NTRK1: variants seen among roughly 807,000 people sequenced by gnomAD.
The protein encoded by NTRK1 is high affinity nerve growth factor receptor.
NTRK1 carries 62 observed loss-of-function variants against 86.8 expected under a neutral mutation model. That is an observed-to-expected ratio of 0.71 (90% CI 0.58 to 0.88). The LOEUF (loss-of-function observed/expected upper bound fraction) is 0.88, where lower values mean the gene tolerates loss of function less well. Ranked by LOEUF, NTRK1 falls within the 40% of genes least tolerant of loss-of-function variation. The pLI, the probability that NTRK1 is intolerant of heterozygous loss-of-function variation, is 0.00. For missense variants in NTRK1, 967 were observed against 1,078.4 expected (o/e 0.90, Z 1.45); for synonymous variants, 469 against 456.6 (o/e 1.03, Z -0.35).
chr1:156,832,586 G>A (rs1356879983), intron 1 of NTRK1, among the ~76,000 whole-genome samples: 4 of 152,256 alleles, frequency 2.6e-5, no homozygotes, highest in African/African-American at 9.6e-5. Flanking sequence ...GGAGCAAAGT[G>A]AATGAGGGCA....
intron 2 of NTRK1, chr1:156,853,894 G>C: frequency 6.2e-7 from 1 of 1,614,160 alleles, no homozygotes; most frequent in Admixed American, 1.7e-5. Context: ...CCACGATGTG[G>C]TTGGCGCCAG....
intron 1 of NTRK1, among the ~76,000 whole-genome samples, chr1:156,838,568 C>T (rs1654659116): frequency 1.3e-5 from 2 of 152,246 alleles, no homozygotes; most frequent in South Asian, 4.1e-4. Flanking sequence ...CAAAGCTTCC[C>T]TGTAGCATTG....
At chr1:156,867,020 G>T (rs754877578) in intron 4 of NTRK1, 42 bp downstream of exon 4, 2 of 1,589,338 alleles carry the variant, frequency 1.3e-6, no homozygotes, top group South Asian at 2.2e-5. Flanking sequence ...CCAAGTGTGT[G>T]TGTGCCTGTG....
intron 1 of NTRK1, chr1:156,816,711 G>C: frequency 1.3e-6 from 2 of 1,598,120 alleles, no homozygotes; most frequent in Non-Finnish European, 1.7e-6. Context: ...AACTCCATGA[G>C]GGCAGCCTCA....
rs73004712 is a variant in NTRK1 at position 156,821,015 on chromosome 1, G to A, written c.-64+5177G>A. On this transcript the variant is annotated intron_variant, in intron 1 of 16. Coordinates refer to the NTRK1 transcript ENST00000392302. ...TAGAGTTTTCTTTGTAGAGTTCCTT[G>A]TAGTTTTCCTGGTAGAGATCTTTAA... is the stretch of plus-strand genomic sequence containing the variant. Among the ~76,000 whole-genome samples the A allele has an allele frequency of 7.4e-3, 1,131 of 152,234 alleles. 11 individuals are homozygous for A. Among genetic ancestry groups the A allele is most frequent in the African/African-American group, 0.025 (1,056 of 41,540 alleles).
intron 16 of NTRK1, chr1:156,880,495 G>C (rs1648193362): frequency 3.0e-6 from 1 of 335,650 alleles, no homozygotes; most frequent in Non-Finnish European, 5.6e-6. Context: ...ACGGGAAGAG[G>C]AACCCAGCAC....
chr1:156,876,440 A>G lies in NTRK1; in HGVS notation c.1673A>G (p.Gln558Arg), dbSNP rs1367129540. 5 of 1,613,756 alleles carry G rather than the reference A, an allele frequency of 3.1e-6. No individual in the cohort carries two copies. In the South Asian group the frequency reaches 4.4e-5, roughly 14 times the overall value. The change falls in exon 14 of 17, where the codon CAG (glutamine) becomes CGG (arginine). Residue 558 changes from glutamine to arginine, a missense_variant. Around this residue, in one of 2 missense-constraint regions of NTRK1, gnomAD observed 637 missense variants for 776.5 expected, o/e 0.82. Coordinates refer to ENST00000524377, the MANE Select transcript of NTRK1 (RefSeq NM_002529.4). ...TCCGAGAGTGCTCGGCAGGACTTCCAGCGTGAGGCTGAGCTGCTCACCATG... is the reference window on the plus strand; with the variant it reads ...TCCGAGAGTGCTCGGCAGGACTTCCGGCGTGAGGCTGAGCTGCTCACCATG... ...EASESARQDF[Q>R]REAELLTMLQ...
intron 1 of NTRK1, among the ~76,000 whole-genome samples, chr1:156,820,118 A>G (rs1414321772): frequency 6.6e-6 from 1 of 152,162 alleles, no homozygotes; most frequent in African/African-American, 2.4e-5. Flanking sequence ...CCTGAGATTT[A>G]AGTCTTTAAT....
At chr1:156,868,386 G>GA in intron 5 of NTRK1, 119 bp from the exon 6 acceptor site, 1 of 1,533,978 alleles carries the variant, frequency 6.5e-7, no homozygotes, top group Non-Finnish European at 8.8e-7. Context: ...TGCCTGGGGT[G>GA]ACATCGCCTG....
At chr1:156,865,336 A>G (rs1446441111) in intron 3 of NTRK1, among the ~76,000 whole-genome samples, 2 of 152,140 alleles carry the variant, frequency 1.3e-5, no homozygotes, top group African/African-American at 4.8e-5. Flanking sequence ...GGAGGAGAGG[A>G]TGATTTCAGG....
intron 9 of NTRK1, 67 bp from the exon 10 acceptor site, chr1:156,874,504 G>C (rs907785685): frequency 6.2e-7 from 1 of 1,612,558 alleles, no homozygotes. Flanking sequence ...CTGGGGCCAG[G>C]GTTGGGGGGT....
chr1:156,829,230 C>G (rs1215103158), intron 1 of NTRK1, among the ~76,000 whole-genome samples: 1 of 152,078 alleles, frequency 6.6e-6, no homozygotes. Context: ...CATGAGGTGA[C>G]AGGTGAGAAG....
chr1:156,861,814 C>A (rs543889536), intron 1 of NTRK1, among the ~76,000 whole-genome samples: 1 of 152,150 alleles, frequency 6.6e-6, no homozygotes, highest in Non-Finnish European at 1.5e-5. Flanking sequence ...GGAGTCAGGG[C>A]CCTTGCTGAG....
At position 156,875,959 on chromosome 1, in the gene NTRK1, C is replaced by T. The variant is rs1647876680; in HGVS notation, c.1502-121C>T. ...GAAGGGGTGCAGGTTGAATTTTAGC[C>T]CCCATGCAGTCCCTCGTCTGGGCAG... On this transcript the variant is annotated intron_variant, in intron 12 of 16. Transcript: ENST00000524377. 3.4e-6 allele frequency: 5 copies of T among 1,469,904 alleles called. No individual in the cohort carries two copies. The East Asian group carries it at 9.1e-5, about 27-fold the overall frequency. 91.1% of individuals were successfully genotyped at this position (1,469,904 alleles called of 1,614,324 possible).
chr1:156,830,042 C>T (rs530097698), intron 1 of NTRK1, among the ~76,000 whole-genome samples: 20 of 152,346 alleles, frequency 1.3e-4, no homozygotes, highest in African/African-American at 4.6e-4. Flanking sequence ...CATTCTCTCC[C>T]AAGCCCGCTG....
rs916776833 is a variant in NTRK1 at position 156,843,337 on chromosome 1, T to C, written c.50+1144T>C. The C allele has an allele frequency of 1.9e-6, 3 of 1,569,810 alleles. No homozygotes were observed. The African/African-American group carries it at 4.1e-5, about 21-fold the overall frequency. On this transcript the variant is annotated intron_variant, in intron 2 of 16. Coordinates refer to the NTRK1 transcript ENST00000392302. ...CTGAAGGGCTCTTGTCCCAAGGCTA[T>C]CTTCTGCAAGAAGGTCTTCTGGAAG...
chr1:156,881,673 C>T lies in NTRK1; in HGVS notation c.*31C>T, dbSNP rs876359. On this transcript the variant is annotated 3_prime_UTR_variant, in exon 17 of 17. Coordinates refer to ENST00000524377, the MANE Select transcript of NTRK1 (RefSeq NM_002529.4). ...CGGCCCAGGGGCTGGGAGTGGTTAGCCGGAATACTGGGGCCTGCCCTCAGC... is the reference window on the plus strand; with the variant it reads ...CGGCCCAGGGGCTGGGAGTGGTTAGTCGGAATACTGGGGCCTGCCCTCAGC... 72 of 1,579,896 alleles carry T rather than the reference C, an allele frequency of 4.6e-5. No individual in the cohort carries two copies. The East Asian group carries it at 8.5e-4, about 19-fold the overall frequency.
At chr1:156,821,453 C>CTGTGTGTGTG (rs59579534) in intron 1 of NTRK1, among the ~76,000 whole-genome samples, 42 of 138,012 alleles carry the variant, frequency 3.0e-4, no homozygotes, top group African/African-American at 1.0e-3. Context: ...CTAATTTAGC[C>CTGTGTGTGTG]TGTGTGTGTG....
Position 156,864,394 on chromosome 1 carries a change from C to A in NTRK1, c.253C>A (p.Arg85Ser), listed in dbSNP as rs543320028. 1.2e-5 allele frequency: 19 copies of A among 1,614,062 alleles called. No homozygotes were observed. The highest frequency in any genetic ancestry group is 3.3e-4 in the Middle Eastern group (2 of 6,062). The change falls in exon 2 of 17, where the codon CGT becomes AGT. Residue 85 changes from arginine to serine, a missense_variant. Arg to Ser is a moderately radical substitution (Grantham distance 110). Transcript: ENST00000524377. ...GCAGCATCTGCAGCATCTGGAGCTCCGTGATCTGAGGGGCCTGGGGGAGCT... is the reference window on the plus strand; with the variant it reads ...GCAGCATCTGCAGCATCTGGAGCTCAGTGATCTGAGGGGCCTGGGGGAGCT... ...NQQHLQHLEL[R>S]DLRGLGELRN...
Sources: gnomAD v4.1 joint callset for allele counts (sites outside exome capture counted in the v4.1 genomes callset) on GRCh38, gnomAD v4.1.1 for gene constraint, gnomAD v4.1.1 regional missense constraint, MANE v1.5 for transcripts, NCBI Gene and HGNC (gene_info 2026-07-23, HGNC 2026-07-21) for gene names.